UBXN2A: variants seen among roughly 807,000 people sequenced by gnomAD.
The protein encoded by UBXN2A is UBX domain-containing protein 2A.
A neutral mutation model predicts 28.4 loss-of-function variants in UBXN2A; 28 were observed. The observed-to-expected ratio is 0.99, with a 90% CI of 0.73 to 1.35. UBXN2A has a LOEUF of 1.35. Ranked by LOEUF, UBXN2A falls within the 40% of genes most tolerant of loss-of-function variation. The probability of loss-of-function intolerance (pLI) is 0.00; values close to 1 mark genes in which losing one functional copy is unlikely to be tolerated. For synonymous variants in UBXN2A, 97 were observed against 103.6 expected, an observed-to-expected ratio of 0.94 and a Z score of 0.39; for missense variants, 253 against 297.9, an observed-to-expected ratio of 0.85 and a Z score of 1.11.
chr2:23,946,376 A>C (rs919104601), intron 1 of UBXN2A, among the ~76,000 whole-genome samples: 2 of 151,254 alleles, frequency 1.3e-5, no homozygotes, highest in African/African-American at 4.9e-5. Context: ...GCTGGAGTGC[A>C]GTGGCGTGAT....
intron 1 of UBXN2A, among the ~76,000 whole-genome samples, chr2:23,941,765 A>G (rs983653581): frequency 1.3e-5 from 2 of 152,222 alleles, no homozygotes; most frequent in African/African-American, 4.8e-5. Context: ...GTCATTGGGC[A>G]AAACAGATAT....
chr2:23,988,345 ACCTT>A (rs1160648233), intron 6 of UBXN2A, among the ~76,000 whole-genome samples: 2 of 152,126 alleles, frequency 1.3e-5, no homozygotes, highest in Admixed American at 1.3e-4. Flanking sequence ...TTTATCTAAT[ACCTT>A]CCTTTATAGC....
chr2:23,941,049 C>G (rs1359549690), intron 1 of UBXN2A, among the ~76,000 whole-genome samples: 2 of 152,166 alleles, frequency 1.3e-5, no homozygotes, highest in Non-Finnish European at 2.9e-5. Context: ...TGACTTCACC[C>G]GACTCCCACC....
At chr2:23,960,460 T>A (rs1706851087) in intron 2 of UBXN2A, among the ~76,000 whole-genome samples, 1 of 152,212 alleles carries the variant, frequency 6.6e-6, no homozygotes, top group Admixed American at 6.5e-5. Flanking sequence ...ATAATTCACA[T>A]ACCATATAAT....
chr2:23,951,657 C>T (rs1706379034), intron 1 of UBXN2A, among the ~76,000 whole-genome samples: 2 of 151,762 alleles, frequency 1.3e-5, no homozygotes, highest in South Asian at 2.1e-4. Context: ...GACGGGGTTT[C>T]ACCATGTTGA....
At chr2:23,970,605 T>C (rs1707373753) in intron 2 of UBXN2A, among the ~76,000 whole-genome samples, 2 of 152,112 alleles carry the variant, frequency 1.3e-5, no homozygotes, top group Admixed American at 1.3e-4. Context: ...GGTTTTGGGA[T>C]GATTCAAGCA....
intron 1 of UBXN2A, chr2:23,944,252 G>A (rs1333064525): frequency 1.2e-6 from 2 of 1,603,678 alleles, no homozygotes; most frequent in Non-Finnish European, 8.5e-7. Context: ...AACACTTGAT[G>A]TGGGACCTAG....
chr2:23,973,409 G>A (rs1177150131), intron 3 of UBXN2A, among the ~76,000 whole-genome samples: 1 of 147,950 alleles, frequency 6.8e-6, no homozygotes, highest in African/African-American at 2.5e-5. Flanking sequence ...TGCGATCTCT[G>A]CTCACTGTAA....
At chr2:23,995,694 AAAAAAAAAAAGAAAAG>A (rs1046281666) in intron 6 of UBXN2A, among the ~76,000 whole-genome samples, 10 of 149,078 alleles carry the variant, frequency 6.7e-5, no homozygotes, top group African/African-American at 9.8e-5. Flanking sequence ...CTCTGTCTCA[AAAAAAAAAAAGAAAAG>A]AAAAAAAAAA....
chr2:23,948,254 C>CTT (rs60805838), intron 1 of UBXN2A, among the ~76,000 whole-genome samples: 83 of 129,176 alleles, frequency 6.4e-4, no homozygotes, highest in Middle Eastern at 4.5e-3. Context: ...TTTTCTTTTT[C>CTT]TTTTTTTTTT....
intron 1 of UBXN2A, among the ~76,000 whole-genome samples, chr2:23,933,516 A>C (rs996469758): frequency 2.0e-5 from 3 of 152,162 alleles, no homozygotes; most frequent in Admixed American, 6.5e-5. Context: ...CAAATAAATA[A>C]ATAGATAATA....
chr2:23,998,144 A>G (rs1359548988), intron 6 of UBXN2A, among the ~76,000 whole-genome samples: 1 of 152,332 alleles, frequency 6.6e-6, no homozygotes, highest in Non-Finnish European at 1.5e-5. Context: ...ATACATAAAT[A>G]TAGAATATCT....
At chr2:23,946,423 C>T (rs1005895201) in intron 1 of UBXN2A, among the ~76,000 whole-genome samples, 7 of 152,124 alleles carry the variant, frequency 4.6e-5, no homozygotes, top group African/African-American at 1.4e-4. Context: ...TGGGTTCAAG[C>T]GATTCCCCTG....
intron 1 of UBXN2A, among the ~76,000 whole-genome samples, chr2:23,933,421 G>A (rs373238323): frequency 1.1e-4 from 16 of 152,110 alleles, no homozygotes; most frequent in African/African-American, 1.9e-4. Context: ...CAGGAGAATC[G>A]CTTGAACCCG....
intron 1 of UBXN2A, among the ~76,000 whole-genome samples, chr2:23,948,640 G>A (rs1264824657): frequency 6.6e-6 from 1 of 152,140 alleles, no homozygotes; most frequent in Non-Finnish European, 1.5e-5. Context: ...TCAGTCCTCA[G>A]AACAACCTGA....
At chr2:23,968,428 G>C (rs1451732938) in intron 2 of UBXN2A, among the ~76,000 whole-genome samples, 1 of 152,102 alleles carries the variant, frequency 6.6e-6, no homozygotes, top group Non-Finnish European at 1.5e-5. Flanking sequence ...TGTAATCCCA[G>C]CACTTCGGGA....
chr2:23,981,122 C>G (rs977957653), intron 4 of UBXN2A, among the ~76,000 whole-genome samples: 1 of 151,932 alleles, frequency 6.6e-6, no homozygotes, highest in African/African-American at 2.4e-5. Context: ...TATTTATTCA[C>G]TAAAATATTT....
At chr2:23,928,699 C>A (rs1286573064) in intron 1 of UBXN2A, among the ~76,000 whole-genome samples, 1 of 152,144 alleles carries the variant, frequency 6.6e-6, no homozygotes, top group Non-Finnish European at 1.5e-5. Flanking sequence ...CTGAAAATGA[C>A]CAAATGGCAT....
intron 4 of UBXN2A, among the ~76,000 whole-genome samples, chr2:23,979,780 A>G (rs1707820675): frequency 3.3e-5 from 5 of 152,040 alleles, no homozygotes; most frequent in Admixed American, 3.3e-4. Flanking sequence ...TGTGTTACCC[A>G]GGCTGGTCTC....
Sources: allele counts gnomAD v4.1 joint callset (sites outside exome capture counted in the v4.1 genomes callset), GRCh38; gene constraint gnomAD v4.1.1; transcripts MANE v1.5; gene names NCBI Gene and HGNC (gene_info 2026-07-23, HGNC 2026-07-21).